ADCY8: variants seen among roughly 807,000 people sequenced by gnomAD.
ADCY8 encodes the protein adenylate cyclase 8, also known as adenylate cyclase type 8.
Under a neutral mutation model 119.7 loss-of-function variants are expected in ADCY8, and 51 were observed. The observed-to-expected ratio is 0.43, with a 90% CI of 0.34 to 0.54. The LOEUF is 0.54. Among genes scored for constraint, ADCY8 ranks in the 20% least tolerant of loss-of-function variants. The pLI is 0.03. For missense variants in ADCY8, 1,383 were observed against 1,598.8 expected, an observed-to-expected ratio of 0.87 and a Z score of 2.30; for synonymous variants, 665 against 651.0, an observed-to-expected ratio of 1.02 and a Z score of -0.33.
chr8:130,803,121 C>A (rs1815833641), intron 14 of ADCY8, among the ~76,000 whole-genome samples: 1 of 152,184 alleles, frequency 6.6e-6, no homozygotes, highest in African/African-American at 2.4e-5. Flanking sequence ...CTGGAAGAAC[C>A]CAAACAAAGA....
intron 2 of ADCY8, among the ~76,000 whole-genome samples, chr8:130,975,479 G>A (rs1586622142): frequency 6.6e-6 from 1 of 152,160 alleles, no homozygotes; most frequent in East Asian, 1.9e-4. Flanking sequence ...CACAAAACAA[G>A]GTCCATTGTA....
At chr8:131,035,145 C>A (rs755889544) in intron 1 of ADCY8, among the ~76,000 whole-genome samples, 4 of 151,978 alleles carry the variant, frequency 2.6e-5, no homozygotes, top group African/African-American at 4.8e-5. Context: ...AAAAATAAAC[C>A]AGTGTCTTAG....
rs1027051828 is a variant in ADCY8, at chr8:130,787,566, C to A, written c.3061-2091G>T. ...ATGTGTGTGGACACACATGTGGGCA[C>A]ATTTGTAGTGATGTGTGTATGTCTA... On this transcript the variant is annotated intron_variant, in intron 15 of 17. Transcript: ENST00000286355. Among the ~76,000 whole-genome samples, 3 of 152,064 alleles carry A rather than the reference C, an allele frequency of 2.0e-5. No homozygotes were observed. In the South Asian group the frequency reaches 6.2e-4, roughly 32 times the overall value.
chr8:130,924,900 T>C (rs984714048), intron 5 of ADCY8, among the ~76,000 whole-genome samples: 1 of 152,068 alleles, frequency 6.6e-6, no homozygotes, highest in Non-Finnish European at 1.5e-5. Context: ...GTATCTGGGA[T>C]ATAGTTAGTG....
At chr8:131,032,088 T>C (rs911242706) in intron 1 of ADCY8, among the ~76,000 whole-genome samples, 2 of 152,208 alleles carry the variant, frequency 1.3e-5, no homozygotes, top group African/African-American at 4.8e-5. Context: ...CAAAATGAAG[T>C]GGTTATAGTT....
At chr8:130,956,059 C>T (rs745758111) in intron 2 of ADCY8, among the ~76,000 whole-genome samples, 5 of 152,074 alleles carry the variant, frequency 3.3e-5, no homozygotes, top group East Asian at 1.9e-4. Context: ...GTGGGAGGAT[C>T]GTTTGAACCA....
chr8:130,787,531 C>T (rs1295496378), intron 15 of ADCY8, among the ~76,000 whole-genome samples: 1 of 145,574 alleles, frequency 6.9e-6, no homozygotes, highest in African/African-American at 2.5e-5. Flanking sequence ...GTGTGTCCAC[C>T]TGCATACATA....
intron 3 of ADCY8, among the ~76,000 whole-genome samples, chr8:130,947,789 A>C (rs1228977365): frequency 6.6e-6 from 1 of 152,242 alleles, no homozygotes; most frequent in Non-Finnish European, 1.5e-5. Flanking sequence ...GCAAATGTAC[A>C]TGAAATGGAA....
Position 130,861,512 on chromosome 8 carries a change from GA to G in ADCY8, c.2210+6333del, listed in dbSNP as rs542375896. ...ATGGCTGATATAAAGGAAAACAATTGACTTTTGTATATTGACATTGTATTCT... is the reference window on the plus strand; with the variant it reads ...ATGGCTGATATAAAGGAAAACAATTGCTTTTGTATATTGACATTGTATTCT... On this transcript the variant is annotated intron_variant, in intron 9 of 17. Transcript: ENST00000286355. Among the ~76,000 whole-genome samples the G allele has an allele frequency of 4.5e-3, 683 of 152,214 alleles. 5 individuals carry two copies. The highest frequency in any genetic ancestry group is 0.016 in the African/African-American group (658 of 41,536).
intron 14 of ADCY8, among the ~76,000 whole-genome samples, chr8:130,801,677 G>A (rs111915036): frequency 1.3e-5 from 2 of 151,956 alleles, no homozygotes; most frequent in Admixed American, 6.6e-5. Context: ...CTATTCCCAC[G>A]CTCTTAATGC....
At position 130,893,192 on chromosome 8, in the gene ADCY8, T is replaced by A. The variant is rs151060370; in HGVS notation, c.1912-8431A>T. On this transcript the variant is annotated intron_variant, in intron 7 of 17. Transcript: ENST00000286355. ...TGACGCCACATGATTTGAGGCAAATTGTCAATTGAATTGAATTTTTAGCTT... is the reference window on the plus strand; with the variant it reads ...TGACGCCACATGATTTGAGGCAAATAGTCAATTGAATTGAATTTTTAGCTT... Among the ~76,000 whole-genome samples the A allele has an allele frequency of 2.4e-4, 36 of 152,298 alleles. 1 individual carries two copies. Among genetic ancestry groups the A allele is most frequent in the African/African-American group, 7.9e-4 (33 of 41,572 alleles).
At chr8:130,959,778 G>A (rs1821543284) in intron 2 of ADCY8, among the ~76,000 whole-genome samples, 2 of 152,180 alleles carry the variant, frequency 1.3e-5, no homozygotes, top group Non-Finnish European at 2.9e-5. Context: ...GCAAAGGCCT[G>A]ATTGAAGAGG....
chr8:130,805,485 G>C (rs1469061411), intron 14 of ADCY8, among the ~76,000 whole-genome samples: 1 of 152,232 alleles, frequency 6.6e-6, no homozygotes, highest in African/African-American at 2.4e-5. Flanking sequence ...GAAAGAGCTT[G>C]AAGAAATATG....
At chr8:130,836,164 C>G in intron 12 of ADCY8, 113 bp downstream of exon 12, 1 of 1,189,034 alleles carries the variant, frequency 8.4e-7, no homozygotes, top group Non-Finnish European at 1.2e-6. Flanking sequence ...AGATATAAGT[C>G]AATATCCAAT....
chr8:130,965,626 T>C lies in ADCY8; in HGVS notation c.1111-13628A>G, dbSNP rs1022922126. On this transcript the variant is annotated intron_variant, in intron 2 of 17. Transcript: ENST00000286355. ...ATAGCTGCTCTACTTACTAGCAATGTGTATGCCCATGAACCCACATTCAAA... is the reference window on the plus strand; with the variant it reads ...ATAGCTGCTCTACTTACTAGCAATGCGTATGCCCATGAACCCACATTCAAA... Among the ~76,000 whole-genome samples the C allele has an allele frequency of 4.6e-5, 7 of 152,216 alleles. No individual in the cohort carries two copies. The East Asian group carries it at 7.7e-4, about 17-fold the overall frequency.
chr8:130,838,579 C>T (rs1307279854), intron 11 of ADCY8, among the ~76,000 whole-genome samples: 1 of 98,478 alleles, frequency 1.0e-5, no homozygotes, highest in Non-Finnish European at 2.7e-5. Context: ...TTCATTGTTG[C>T]CTGTATCACA....
At chr8:130,948,956 A>G (rs4736725) in intron 3 of ADCY8, among the ~76,000 whole-genome samples, 149,238 of 152,250 alleles carry the variant, frequency 0.98, 73,145 homozygotes, top group Non-Finnish European at 0.98. Context: ...CGGGCATCTC[A>G]CCACGCTGCT....
chr8:130,874,403 C>G (rs891685813), intron 8 of ADCY8, among the ~76,000 whole-genome samples: 8 of 152,038 alleles, frequency 5.3e-5, no homozygotes, highest in Admixed American at 1.3e-4. Context: ...GACTAATTTT[C>G]AGTAATTTTT....
At chr8:131,038,319 T>C (rs768882992) in intron 1 of ADCY8, among the ~76,000 whole-genome samples, 1 of 152,170 alleles carries the variant, frequency 6.6e-6, no homozygotes, top group Non-Finnish European at 1.5e-5. Context: ...AGCAGGCCCA[T>C]ACAAAGCAGC....
Sources: allele counts gnomAD v4.1 joint callset (sites outside exome capture counted in the v4.1 genomes callset), GRCh38; gene constraint gnomAD v4.1.1; transcripts MANE v1.5; gene names NCBI Gene and HGNC (gene_info 2026-07-23, HGNC 2026-07-21).